XYLT1: variants seen among roughly 807,000 people sequenced by gnomAD.
The protein encoded by XYLT1 is xylosyltransferase 1, also known as beta-D-xylosyltransferase 1.
Under a neutral mutation model 91.3 loss-of-function variants are expected in XYLT1, and 36 were observed. That is an observed-to-expected ratio of 0.39 (90% CI 0.30 to 0.52). The LOEUF (loss-of-function observed/expected upper bound fraction) is 0.52. XYLT1 is among the 20% of genes least tolerant of loss of function. XYLT1 has a pLI of 0.68. For synonymous variants in XYLT1, 588 were observed against 532.0 expected, an observed-to-expected ratio of 1.11 and a Z score of -1.45; for missense variants, 1,242 against 1,284.5, an observed-to-expected ratio of 0.97 and a Z score of 0.51.
At chr16:17,138,580 A>AGAT (rs2141515928) in intron 7 of XYLT1, 49 bp from the exon 8 acceptor site, 2 of 1,589,530 alleles carry the variant, frequency 1.3e-6, no homozygotes, top group East Asian at 4.7e-5. Flanking sequence ...AGCCTCCCAC[A>AGAT]GATGAACTGG....
At chr16:17,331,506 C>CCT (rs36038132) in intron 2 of XYLT1, among the ~76,000 whole-genome samples, 1 of 151,794 alleles carries the variant, frequency 6.6e-6, no homozygotes, top group South Asian at 2.1e-4. Context: ...AACAGACACA[C>CCT]GTTTTCCATT....
intron 1 of XYLT1, among the ~76,000 whole-genome samples, chr16:17,462,229 G>A (rs757285951): frequency 5.9e-5 from 9 of 152,186 alleles, no homozygotes; most frequent in Admixed American, 4.6e-4. Flanking sequence ...ACTAGGCCTG[G>A]GACAGGACAA....
intron 2 of XYLT1, among the ~76,000 whole-genome samples, chr16:17,271,196 T>C (rs1299667226): frequency 6.6e-6 from 1 of 152,226 alleles, no homozygotes; most frequent in Non-Finnish European, 1.5e-5. Context: ...TCCCGAAGGC[T>C]GGCCTCTTCT....
intron 3 of XYLT1, chr16:17,227,661 T>C (rs1387686719): frequency 2.6e-5 from 4 of 152,218 alleles, no homozygotes; most frequent in Non-Finnish European, 4.4e-5. Context: ...GGGAGTGATG[T>C]GAGGAGAAGC....
chr16:17,139,569 C>A (rs773737339), intron 7 of XYLT1, among the ~76,000 whole-genome samples: 16 of 152,170 alleles, frequency 1.1e-4, no homozygotes, highest in Non-Finnish European at 1.9e-4. Flanking sequence ...AGCCGCCACC[C>A]CCTGCTGACC....
intron 5 of XYLT1, among the ~76,000 whole-genome samples, chr16:17,189,578 T>G (rs1469226897): frequency 6.6e-6 from 1 of 152,222 alleles, no homozygotes; most frequent in East Asian, 1.9e-4. Flanking sequence ...GTATATTGAC[T>G]GATAATTGGA....
rs750040372 is a variant in XYLT1 at position 17,117,860 on chromosome 16, G to A, written c.2343C>T (p.Thr781=). 1.2e-5 allele frequency: 20 copies of A among 1,614,048 alleles called. No homozygotes were observed. The highest frequency in any genetic ancestry group is 6.7e-5 in the Admixed American group (4 of 60,006). Residue 781 remains threonine, a synonymous_variant, in exon 11 of 12, where the codon ACC becomes ACT. Transcript: ENST00000261381. The part of the protein sequence containing the change: ...KWGKGPNVTV[T]VIWVDPVNVI... ...CATTGACGGGATCCACCCAAATGAC[G>A]GTCACGGTCACATTAGGTCCCTTCC...
chr16:17,107,565 A>C lies in XYLT1; in HGVS notation c.*1130T>G, dbSNP rs1293270431. 3 of 152,636 alleles carry C rather than the reference A, an allele frequency of 2.0e-5. No individual in the cohort carries two copies. Among genetic ancestry groups the C allele is most frequent in the Admixed American group, 1.3e-4 (2 of 15,280 alleles). 9.5% of individuals were successfully genotyped at this position (152,636 alleles called of 1,614,324 possible). A position where few individuals can be genotyped will look rare whatever the true frequency, so the allele number is the denominator to read the frequency against. ...CATGAAATTAAAAACCAAATCTGAA[A>C]TGCTATTTCCTGGACGGGAAAAGTC... On this transcript the variant is annotated 3_prime_UTR_variant, in exon 12 of 12. Transcript: ENST00000261381.
intron 1 of XYLT1, among the ~76,000 whole-genome samples, chr16:17,427,327 CT>C (rs1250149859): frequency 6.6e-6 from 1 of 152,280 alleles, no homozygotes; most frequent in Non-Finnish European, 1.5e-5. Flanking sequence ...GAGACAGAGT[CT>C]GGCTCTGCCA....
intron 3 of XYLT1, among the ~76,000 whole-genome samples, chr16:17,231,347 G>T (rs1452816332): frequency 6.6e-6 from 1 of 152,154 alleles, no homozygotes; most frequent in Non-Finnish European, 1.5e-5. Context: ...ATCCTACAGG[G>T]CCTTTCTCCC....
At chr16:17,207,534 C>G (rs538288182) in intron 3 of XYLT1, among the ~76,000 whole-genome samples, 16 of 152,290 alleles carry the variant, frequency 1.1e-4, no homozygotes, top group African/African-American at 3.6e-4. Context: ...CATCCACATA[C>G]AGGGTCCCGG....
intron 1 of XYLT1, among the ~76,000 whole-genome samples, chr16:17,436,020 G>A (rs1326734005): frequency 1.3e-5 from 2 of 152,118 alleles, no homozygotes; most frequent in Non-Finnish European, 2.9e-5. Context: ...GAATCATGGG[G>A]GCCGTTTCCC....
chr16:17,158,803 T>C (rs2031477756), intron 6 of XYLT1, 26 bp downstream of exon 6: 1 of 1,611,622 alleles, frequency 6.2e-7, no homozygotes, highest in Non-Finnish European at 8.5e-7. Context: ...TTCCATTTTG[T>C]ACAGGGGTAG....
rs76614998 is a variant in XYLT1 at position 17,443,082 on chromosome 16, G to A, written c.363+27352C>T. Reference sequence around the variant, plus strand: ...TCTCGACTCAACTCTGTGACCTCAGGCAAGGGTCTTAAATGCTTTTGTAAA... The same window carrying A: ...TCTCGACTCAACTCTGTGACCTCAGACAAGGGTCTTAAATGCTTTTGTAAA... On this transcript the variant is annotated intron_variant, in intron 1 of 11. Coordinates refer to ENST00000261381, the MANE Select transcript of XYLT1 (RefSeq NM_022166.4). Among the ~76,000 whole-genome samples the A allele has an allele frequency of 1.8e-4, 28 of 152,200 alleles. No homozygotes were observed. In the East Asian group the frequency reaches 4.8e-3, roughly 26 times the overall value.
At chr16:17,278,334 G>A (rs193145209) in intron 2 of XYLT1, among the ~76,000 whole-genome samples, 145 of 152,284 alleles carry the variant, frequency 9.5e-4, no homozygotes, top group African/African-American at 3.4e-3. Context: ...CAAGCCGGCA[G>A]CTGCACCTTG....
chr16:17,325,583 C>A (rs1159591145), intron 2 of XYLT1, among the ~76,000 whole-genome samples: 1 of 152,072 alleles, frequency 6.6e-6, no homozygotes, highest in Non-Finnish European at 1.5e-5. Flanking sequence ...AATACACATA[C>A]ACGGAAAAGA....
chr16:17,120,607 C>T (rs538580900), intron 10 of XYLT1, among the ~76,000 whole-genome samples: 8 of 152,236 alleles, frequency 5.3e-5, no homozygotes, highest in Admixed American at 5.2e-4. Context: ...ATAGAGGCAC[C>T]ACTGAGGTAC....
Position 17,207,214 on chromosome 16 carries a change from C to T in XYLT1, c.914-6560G>A, listed in dbSNP as rs952703187. ...CTGGGATTATAGGCACCTGCCACCA[C>T]GCCTGGCTAAATTTTTTGTATTTTT... On this transcript the variant is annotated intron_variant, in intron 3 of 11. Coordinates refer to ENST00000261381, the MANE Select transcript of XYLT1 (RefSeq NM_022166.4). Among the ~76,000 whole-genome samples the T allele has an allele frequency of 6.6e-5, 10 of 152,124 alleles. No individual in the cohort carries two copies. The South Asian group carries it at 1.5e-3, about 22-fold the overall frequency.
At chr16:17,199,624 T>C (rs1052778177) in intron 4 of XYLT1, among the ~76,000 whole-genome samples, 1 of 152,170 alleles carries the variant, frequency 6.6e-6, no homozygotes, top group African/African-American at 2.4e-5. Flanking sequence ...TCCCATACTG[T>C]TCTCGTGGTA....
Sources: allele counts gnomAD v4.1 joint callset (sites outside exome capture counted in the v4.1 genomes callset), GRCh38; gene constraint gnomAD v4.1.1; transcripts MANE v1.5; gene names NCBI Gene and HGNC (gene_info 2026-07-23, HGNC 2026-07-21).